ABTB3: variants seen among roughly 807,000 people sequenced by gnomAD.
ABTB3 encodes ankyrin repeat and BTB domain containing 3.
the ABTB3 span, among the ~76,000 whole-genome samples, chr12:107,481,897 CT>C: frequency 7.7e-6 from 1 of 130,246 alleles, no homozygotes; most frequent in Non-Finnish European, 1.7e-5. Context: ...CTCTCTCTCT[CT>C]CTCTCTCTCT....
chr12:107,605,534 G>T, the ABTB3 span, among the ~76,000 whole-genome samples: 1 of 152,194 alleles, frequency 6.6e-6, no homozygotes, highest in Non-Finnish European at 1.5e-5. Flanking sequence ...GAGGAGAGTC[G>T]CTGTTGCAGA....
the ABTB3 span, among the ~76,000 whole-genome samples, chr12:107,636,011 C>G: frequency 1.3e-5 from 2 of 152,190 alleles, no homozygotes; most frequent in Admixed American, 1.3e-4. Context: ...CGGCTCCAGC[C>G]AAGCACTTGA....
chr12:107,338,967 C>T, the ABTB3 span, among the ~76,000 whole-genome samples: 42 of 152,220 alleles, frequency 2.8e-4, no homozygotes, highest in Middle Eastern at 3.4e-3. Flanking sequence ...GCTGGGACTA[C>T]GGGGTATGCC....
At chr12:107,341,618 T>A in the ABTB3 span, among the ~76,000 whole-genome samples, 1 of 152,180 alleles carries the variant, frequency 6.6e-6, no homozygotes, top group Non-Finnish European at 1.5e-5. Context: ...TTGGCTATGA[T>A]CAGCATCAGT....
chr12:107,408,157 G>A, the ABTB3 span, among the ~76,000 whole-genome samples: 2 of 152,252 alleles, frequency 1.3e-5, no homozygotes, highest in Admixed American at 6.5e-5. Context: ...GAGGAGATAG[G>A]CGTGCTCTGT....
At chr12:107,643,828 A>G in the ABTB3 span, among the ~76,000 whole-genome samples, 1 of 147,660 alleles carries the variant, frequency 6.8e-6, no homozygotes, top group Non-Finnish European at 1.5e-5. Context: ...TAGTGGCACA[A>G]TCTTGGCTCA....
the ABTB3 span, among the ~76,000 whole-genome samples, chr12:107,645,091 G>C: frequency 6.6e-6 from 1 of 150,968 alleles, no homozygotes; most frequent in African/African-American, 2.4e-5. Context: ...TCCTGCCTCA[G>C]CCTCCTGAGT....
chr12:107,541,396 C>G, the ABTB3 span, among the ~76,000 whole-genome samples: 1 of 152,220 alleles, frequency 6.6e-6, no homozygotes, highest in Non-Finnish European at 1.5e-5. Flanking sequence ...TCGTATTAGT[C>G]AGCATTCTCC....
At chr12:107,643,401 TC>T in the ABTB3 span, among the ~76,000 whole-genome samples, 1 of 67,648 alleles carries the variant, frequency 1.5e-5, no homozygotes, top group South Asian at 4.7e-4. Context: ...AGACCCTATC[TC>T]AAAAAAAAAA....
At chr12:107,479,150 A>G in the ABTB3 span, among the ~76,000 whole-genome samples, 1 of 152,126 alleles carries the variant, frequency 6.6e-6, no homozygotes, top group African/African-American at 2.4e-5. Context: ...GTGGTAGCCA[A>G]TTTCAGGTGG....
At chr12:107,334,384 G>T in the ABTB3 span, among the ~76,000 whole-genome samples, 1 of 152,262 alleles carries the variant, frequency 6.6e-6, no homozygotes, top group African/African-American at 2.4e-5. Flanking sequence ...AGCTCCTGTT[G>T]ATACGTTGGG....
the ABTB3 span, among the ~76,000 whole-genome samples, chr12:107,335,325 A>AAGC: frequency 7.2e-6 from 1 of 138,374 alleles, no homozygotes; most frequent in Non-Finnish European, 1.5e-5. Flanking sequence ...AAAAAAAAAA[A>AAGC]AGCAGCAGCA....
the ABTB3 span, among the ~76,000 whole-genome samples, chr12:107,562,071 C>T: frequency 3.9e-5 from 6 of 152,194 alleles, no homozygotes. Context: ...TCACTGGGTA[C>T]TGGGACCTCT....
chr12:107,620,645 A>C, the ABTB3 span, among the ~76,000 whole-genome samples: 2 of 152,078 alleles, frequency 1.3e-5, no homozygotes, highest in Non-Finnish European at 2.9e-5. Context: ...GATAAACAGA[A>C]CACAGACCCT....
At chr12:107,336,853 G>A in the ABTB3 span, among the ~76,000 whole-genome samples, 1 of 152,162 alleles carries the variant, frequency 6.6e-6, no homozygotes, top group East Asian at 1.9e-4. Context: ...AGTATGTCCT[G>A]AATAAATATT....
At chr12:107,518,925 C>G in the ABTB3 span, among the ~76,000 whole-genome samples, 1 of 152,206 alleles carries the variant, frequency 6.6e-6, no homozygotes, top group African/African-American at 2.4e-5. Flanking sequence ...GATTTTGCAG[C>G]TATGTGTGTA....
At chr12:107,385,677 C>T in the ABTB3 span, among the ~76,000 whole-genome samples, 1 of 152,124 alleles carries the variant, frequency 6.6e-6, no homozygotes, top group Non-Finnish European at 1.5e-5. Flanking sequence ...TTGCCCAGGC[C>T]CCCTGGAGCT....
chr12:107,535,891 C>T, the ABTB3 span, among the ~76,000 whole-genome samples: 9 of 151,546 alleles, frequency 5.9e-5, no homozygotes, highest in Non-Finnish European at 7.4e-5. Flanking sequence ...TCAAAGAAAT[C>T]GAAAAAAACA....
At chr12:107,542,230 T>C in the ABTB3 span, among the ~76,000 whole-genome samples, 3 of 148,592 alleles carry the variant, frequency 2.0e-5, no homozygotes, top group Admixed American at 7.2e-5. Flanking sequence ...GAGAATTGCT[T>C]GAACCCGGGA....
Sources: gnomAD v4.1 joint callset for allele counts (sites outside exome capture counted in the v4.1 genomes callset) on GRCh38, gnomAD v4.1.1 for gene constraint, MANE v1.5 for transcripts, NCBI Gene and HGNC (gene_info 2026-07-23, HGNC 2026-07-21) for gene names.